Variants in CABLES2 observed in about 807,000 individuals in gnomAD.
The protein encoded by CABLES2 is CDK5 and ABL1 enzyme substrate 2.
CABLES2 carries 35 observed loss-of-function variants against 44.8 expected under a neutral mutation model. The ratio of observed to expected loss-of-function variants is 0.78; its 90% CI spans 0.60 to 1.04. The LOEUF is 1.04. Ranked by LOEUF, CABLES2 falls within the 50% of genes least tolerant of loss-of-function variation. The pLI, the probability that CABLES2 is intolerant of heterozygous loss-of-function variation, is 0.00. For missense variants in CABLES2, 566 were observed against 615.7 expected, an observed-to-expected ratio of 0.92 and a Z score of 0.85; for synonymous variants, 282 against 281.1, an observed-to-expected ratio of 1.00 and a Z score of -0.03.
rs900955945 is a variant in CABLES2, at chr20:62,396,640, C to T, written c.363-48G>A. ...CAAAACAGGCCACCAGCCCGGGTGC[C>T]GCCTTTGTGGCCAGAAACCGAGTGC... On this transcript the variant is annotated intron_variant, in intron 1 of 9. Coordinates refer to ENST00000279101, the MANE Select transcript of CABLES2 (RefSeq NM_031215.3). This position sits in a 1 kb window ranked among gnomAD's most constrained non-coding sequence, Gnocchi z 5.7. 1.9e-5 allele frequency: 29 copies of T among 1,566,130 alleles called. 1 individual carries two copies. Among genetic ancestry groups the T allele is most frequent in the East Asian group, 9.3e-5 (4 of 42,914 alleles).
At chr20:62,392,622 C>T (rs1987940378) in intron 7 of CABLES2, 127 bp from the exon 8 acceptor site, 1 of 734,108 alleles carries the variant, frequency 1.4e-6, no homozygotes, top group East Asian at 2.5e-5. Flanking sequence ...TTGAGAGGCC[C>T]CGAATCTCTG....
At chr20:62,394,803 G>A (rs1198453208) in intron 4 of CABLES2, 134 bp downstream of exon 4, 4 of 731,110 alleles carry the variant, frequency 5.5e-6, no homozygotes, top group South Asian at 1.9e-5. Flanking sequence ...TTGACATGCT[G>A]AGCCTCGCAT....
At chr20:62,403,809 A>C (rs1243652440) in intron 1 of CABLES2, 2 of 152,260 alleles carry the variant, frequency 1.3e-5, no homozygotes, top group East Asian at 3.8e-4. Context: ...TCACTGGTTC[A>C]ACACAAAGTG....
Position 62,396,596 on chromosome 20 carries a change from C to T in CABLES2, c.363-4G>A. The T allele has an allele frequency of 6.2e-7, 1 of 1,609,608 alleles. No individual in the cohort carries two copies. The highest frequency in any genetic ancestry group is 8.5e-7 in the Non-Finnish European group (1 of 1,178,348). ...GCGCTGGGACGTGACTCGCTTCCTGCAAGATGACAATGGAGCCTCAAAACA... is the reference window on the plus strand; with the variant it reads ...GCGCTGGGACGTGACTCGCTTCCTGTAAGATGACAATGGAGCCTCAAAACA... On this transcript the variant is annotated splice_polypyrimidine_tract_variant and splice_region_variant and intron_variant, in intron 1 of 9. Transcript: ENST00000279101. The surrounding 1 kb of genome is among the most constrained non-coding windows in gnomAD (Gnocchi z 5.7).
At chr20:62,399,610 T>C (rs78425086) in intron 1 of CABLES2, among the ~76,000 whole-genome samples, 2 of 149,788 alleles carry the variant, frequency 1.3e-5, no homozygotes. Context: ...TTTTTTTTTT[T>C]TGAGACAGAG....
chr20:62,398,380 G>A (rs1312858477), intron 1 of CABLES2, among the ~76,000 whole-genome samples: 1 of 151,956 alleles, frequency 6.6e-6, no homozygotes, highest in East Asian at 1.9e-4. Context: ...TGGTAATGGT[G>A]ATGGGGCCCT....
At chr20:62,393,968 C>T (rs1425390563) in intron 5 of CABLES2, among the ~76,000 whole-genome samples, 189 bp downstream of exon 5, 2 of 152,160 alleles carry the variant, frequency 1.3e-5, no homozygotes, top group East Asian at 1.9e-4. Context: ...CACGGCCAGG[C>T]GGGGGAGTCC....
rs1024654178 is a variant in CABLES2, at chr20:62,390,144, A to G, written c.*827T>C. ...TTGCTTAGAAAAATAAGAGCCGGCAAGCAGCAATTGTCCTGGAGGCCCAGA... is the reference window on the plus strand; with the variant it reads ...TTGCTTAGAAAAATAAGAGCCGGCAGGCAGCAATTGTCCTGGAGGCCCAGA... On this transcript the variant is annotated 3_prime_UTR_variant, in exon 10 of 10. Transcript: ENST00000279101. 1.3e-5 allele frequency: 2 copies of G among 152,640 alleles called. No homozygotes were observed. The highest frequency in any genetic ancestry group is 6.5e-5 in the Admixed American group (1 of 15,312). 9.5% of individuals were successfully genotyped at this position (152,640 alleles called of 1,614,324 possible).
rs760953162 is a variant in CABLES2, at chr20:62,393,494, C to A, written c.826G>T (p.Gly276Trp). Residue 276 changes from glycine (G) to tryptophan (W), a missense_variant, in exon 6 of 10, where the codon GGG becomes TGG. Gly to Trp is a radical substitution (Grantham distance 184). This residue lies in a region of CABLES2 where 436 missense variants were observed against 536.3 expected (regional missense o/e 0.81). Transcript: ENST00000279101. ...GTGGGGGCAGGTTTATGTCTTGACC[C>A]TGGCAGAGTCCGGGGGACACTGGGC... is the stretch of plus-strand genomic sequence containing the variant. ...PRPSVPRTLP[G>W]SRHKPAPTKS... The A allele has an allele frequency of 6.2e-7, 1 of 1,613,396 alleles. No individual in the cohort carries two copies. The highest frequency in any genetic ancestry group is 8.5e-7 in the Non-Finnish European group (1 of 1,179,620).
Position 62,388,755 on chromosome 20 carries a change from T to C in CABLES2, c.*2216A>G. 1 of 497,452 alleles carries C rather than the reference T, an allele frequency of 2.0e-6. No homozygotes were observed. Among genetic ancestry groups the C allele is most frequent in the Non-Finnish European group, 3.6e-6 (1 of 278,110 alleles). The allele number at this position is 497,452 out of a possible 1,614,324, so 30.8% of individuals were successfully genotyped here. On this transcript the variant is annotated 3_prime_UTR_variant, in exon 10 of 10. Transcript: ENST00000279101. ...TATGCACACTGACATCCACAACTGC[T>C]ACCGGTGCGGAAGCAACGCCAGGCC...
In CABLES2 at chr20:62,396,371, G is replaced by T. The variant is rs1218873514; in HGVS notation, c.471C>A (p.Gly157=). 2 of 1,613,998 alleles carry T rather than the reference G, an allele frequency of 1.2e-6. No homozygotes were observed. Among genetic ancestry groups the T allele is most frequent in the South Asian group, 2.2e-5 (2 of 91,070 alleles). ...TCTTGATGAAGTGGGTCTTCTTCAG[G>T]CCTTTATGTCTCGGTGATCCAGATG... The part of the protein sequence containing the change: ...KHTSGSPRHK[G]LKKTHFIKNM... Residue 157 remains glycine, a synonymous_variant, in exon 3 of 10, where the codon GGC becomes GGA. Coordinates refer to ENST00000279101, the MANE Select transcript of CABLES2 (RefSeq NM_031215.3). The surrounding 1 kb of genome is among the most constrained non-coding windows in gnomAD (Gnocchi z 5.7).
At chr20:62,406,838 AG>A in intron 1 of CABLES2, 76 bp downstream of exon 1, 1 of 811,360 alleles carries the variant, frequency 1.2e-6, no homozygotes, top group Non-Finnish European at 1.6e-6. Flanking sequence ...CCTGACCCCT[AG>A]TCCTGGGCTG....
In CABLES2 at chr20:62,391,951, G is replaced by A. The variant is rs559258811; in HGVS notation, c.1091+438C>T. Among the ~76,000 whole-genome samples the A allele has an allele frequency of 1.3e-5, 2 of 152,206 alleles. No homozygotes were observed. The highest frequency in any genetic ancestry group is 3.9e-4 in the East Asian group (2 of 5,170). On this transcript the variant is annotated intron_variant, in intron 8 of 9. Coordinates refer to ENST00000279101, the MANE Select transcript of CABLES2 (RefSeq NM_031215.3). The surrounding 1 kb of genome is among the most constrained non-coding windows in gnomAD (Gnocchi z 5.7). ...GCTTTCCTCCGGTCATGGGTCATCA[G>A]CGTGGCACAATGTGAGAGCAGAGGC...
In CABLES2 at chr20:62,391,091, T is replaced by C; in HGVS notation, c.1317A>G (p.Arg439=). 1 of 1,614,068 alleles carries C rather than the reference T, an allele frequency of 6.2e-7. No individual in the cohort carries two copies. Among genetic ancestry groups the C allele is most frequent in the Middle Eastern group, 1.6e-4 (1 of 6,062 alleles). The change falls in exon 10 of 10, where the codon CGA becomes CGG. Residue 439 remains arginine, a synonymous_variant. Coordinates refer to ENST00000279101, the MANE Select transcript of CABLES2 (RefSeq NM_031215.3). The surrounding 1 kb of genome is among the most constrained non-coding windows in gnomAD (Gnocchi z 5.7). ...ACCCTATCAGGTCGCGCCTGTTGAA[T>C]CGAAACCTTTCTTCTAACTTCTGCA... ...QLIDKLEERF[R]FNRRDLIGFE...
chr20:62,396,606 A>C lies in CABLES2; in HGVS notation c.363-14T>G, dbSNP rs947341319. 3.7e-6 allele frequency: 6 copies of C among 1,606,056 alleles called. No individual in the cohort carries two copies. The East Asian group carries it at 1.3e-4, about 36-fold the overall frequency. On this transcript the variant is annotated splice_polypyrimidine_tract_variant and intron_variant, in intron 1 of 9. Coordinates refer to ENST00000279101, the MANE Select transcript of CABLES2 (RefSeq NM_031215.3). The surrounding 1 kb of genome is among the most constrained non-coding windows in gnomAD (Gnocchi z 5.7). ...GTGACTCGCTTCCTGCAAGATGACAATGGAGCCTCAAAACAGGCCACCAGC... is the reference window on the plus strand; with the variant it reads ...GTGACTCGCTTCCTGCAAGATGACACTGGAGCCTCAAAACAGGCCACCAGC...
intron 1 of CABLES2, among the ~76,000 whole-genome samples, chr20:62,400,498 AAGG>A (rs375204364): frequency 2.0e-5 from 3 of 152,294 alleles, no homozygotes; most frequent in African/African-American, 2.4e-5. Flanking sequence ...GAAGCCAGTG[AAGG>A]AGGAGATTTG....
chr20:62,407,071 T>C lies in CABLES2; in HGVS notation c.206A>G (p.Glu69Gly). ...GRPPSLGPGG[E>G]KPPPPPAEAR... ...CTCGGCGGGCGGCGGCGGGGGCTTC[T>C]CTCCGCCCGGGCCCAGGCTCGGGGG... The change falls in exon 1 of 10, where the codon GAG becomes GGG. Residue 69 changes from glutamate to glycine, a missense_variant. By Grantham distance (98) the Glu-to-Gly change is moderately conservative (BLOSUM62 -2). This residue lies in a region of CABLES2 where 130 missense variants were observed against 79.4 expected (regional missense o/e 1.64). Transcript: ENST00000279101. The C allele has an allele frequency of 9.3e-7, 1 of 1,070,944 alleles. No individual in the cohort carries two copies. 66.3% of individuals were successfully genotyped at this position (1,070,944 alleles called of 1,614,324 possible).
chr20:62,398,199 G>A (rs1053018447), intron 1 of CABLES2, among the ~76,000 whole-genome samples: 87 of 55,956 alleles, frequency 1.6e-3, no homozygotes, highest in African/African-American at 2.8e-3. Flanking sequence ...GGTGATGATG[G>A]TGGTGATGGT....
chr20:62,396,119 C>T lies in CABLES2; in HGVS notation c.527+196G>A, dbSNP rs6121565. On this transcript the variant is annotated intron_variant, in intron 3 of 9. Coordinates refer to ENST00000279101, the MANE Select transcript of CABLES2 (RefSeq NM_031215.3). This position sits in a 1 kb window ranked among gnomAD's most constrained non-coding sequence, Gnocchi z 5.7. ...AGAGAGGGTGATCTCGCTGTGGTGA[C>T]ACCAGGGACCTGCGGGTGCTCGGCT... 0.1 allele frequency among the ~76,000 whole-genome samples: 15,204 copies of T among 152,198 alleles called. 997 individuals carry two copies. Among genetic ancestry groups the T allele is most frequent in the African/African-American group, 0.18 (7,562 of 41,484 alleles).
Sources: gnomAD v4.1 joint callset for allele counts (sites outside exome capture counted in the v4.1 genomes callset) on GRCh38, gnomAD v4.1.1 for gene constraint, gnomAD v4.1.1 regional missense constraint, Gnocchi (gnomAD v3.1) non-coding constraint, MANE v1.5 for transcripts, NCBI Gene and HGNC (gene_info 2026-07-23, HGNC 2026-07-21) for gene names.